Variants in AS3MT observed in about 807,000 individuals in gnomAD.
AS3MT encodes S-adenosyl-L-methionine:arsenic(III) methyltransferase.
A neutral mutation model predicts 45.3 loss-of-function variants in AS3MT; 47 were observed. That is an observed-to-expected ratio of 1.04 (90% CI 0.82 to 1.32). AS3MT has a LOEUF of 1.32. AS3MT is among the 40% of genes most tolerant of loss of function. AS3MT has a pLI of 0.00. For missense variants in AS3MT, 396 were observed against 451.1 expected (o/e 0.88, Z 1.11); for synonymous variants, 141 against 152.8 (o/e 0.92, Z 0.57).
At chr10:102,873,947 G>C (rs911727194) in intron 5 of AS3MT, among the ~76,000 whole-genome samples, 4 of 152,084 alleles carry the variant, frequency 2.6e-5, no homozygotes, top group African/African-American at 9.7e-5. Context: ...GCCTGTTTAC[G>C]TGAAGCATAA....
At position 102,885,764 on chromosome 10, in the gene AS3MT, C is replaced by T. The variant is rs1177612330; in HGVS notation, c.886-4780C>T. Among the ~76,000 whole-genome samples the T allele has an allele frequency of 2.2e-4, 22 of 101,692 alleles. 1 individual carries two copies. Among genetic ancestry groups the T allele is most frequent in the African/African-American group, 5.6e-4 (16 of 28,386 alleles). The allele number at this position is 101,692 out of a possible 152,430, so 66.7% of individuals were successfully genotyped here. On this transcript the variant is annotated intron_variant, in intron 9 of 10. Coordinates refer to ENST00000369880, the MANE Select transcript of AS3MT (RefSeq NM_020682.4). ...CGGGATGGTCTCGATCTCCTGACCT[C>T]GTGATCCGCCCGCCTCGGCCTCCCA...
chr10:102,897,308 C>T (rs886977374), intron 10 of AS3MT, among the ~76,000 whole-genome samples: 1 of 150,442 alleles, frequency 6.6e-6, no homozygotes, highest in Non-Finnish European at 1.5e-5. Context: ...GGCGTGAACC[C>T]GGGAGGCGGA....
chr10:102,883,864 G>C lies in AS3MT; in HGVS notation c.885+4873G>C, dbSNP rs529939661. Among the ~76,000 whole-genome samples, 4 of 151,972 alleles carry C rather than the reference G, an allele frequency of 2.6e-5. No individual in the cohort carries two copies. The South Asian group carries it at 8.3e-4, about 32-fold the overall frequency. On this transcript the variant is annotated intron_variant, in intron 9 of 10. Transcript: ENST00000369880. ...TTGACATATGTATACATTATGGAAT[G>C]ACTAAATCAAGATAATTAAAATGCA...
At chr10:102,877,491 T>G (rs968889110) in intron 7 of AS3MT, among the ~76,000 whole-genome samples, 10 of 145,068 alleles carry the variant, frequency 6.9e-5, no homozygotes, top group African/African-American at 2.6e-4. Context: ...TTCTTATTCT[T>G]AAAATAATAT....
intron 9 of AS3MT, among the ~76,000 whole-genome samples, chr10:102,884,441 A>C: frequency 8.3e-6 from 1 of 119,890 alleles, no homozygotes; most frequent in African/African-American, 3.4e-5. Context: ...AAGAGCCTCT[A>C]CTCTTCACCT....
At chr10:102,894,451 A>C (rs1331582708) in intron 10 of AS3MT, among the ~76,000 whole-genome samples, 9 of 151,826 alleles carry the variant, frequency 5.9e-5, no homozygotes, top group Admixed American at 5.9e-4. Flanking sequence ...AAAAAATAAA[A>C]AAATAAAATA....
intron 10 of AS3MT, among the ~76,000 whole-genome samples, chr10:102,898,976 T>C (rs1274795784): frequency 6.6e-6 from 1 of 152,192 alleles, no homozygotes; most frequent in Non-Finnish European, 1.5e-5. Flanking sequence ...AAGGACTGCT[T>C]ATATCTGGGT....
chr10:102,878,947 G>A lies in AS3MT; in HGVS notation c.841G>A (p.Gly281Arg), dbSNP rs760424988. 2 of 1,613,556 alleles carry A rather than the reference G, an allele frequency of 1.2e-6. No homozygotes were observed. The highest frequency in any genetic ancestry group is 2.2e-5 in the East Asian group (1 of 44,840). The change falls in exon 9 of 11, where the codon GGA becomes AGA. Residue 281 changes from glycine (G) to arginine (R), a missense_variant. By Grantham distance (125) the Gly-to-Arg change is moderately radical (BLOSUM62 -2). Coordinates refer to ENST00000369880, the MANE Select transcript of AS3MT (RefSeq NM_020682.4). ...AGTTATTTACAATGGAGGAATTACA[G>A]GACATGAAAAAGAACTAATGTTTGA... The part of the protein sequence containing the change: ...CQVIYNGGIT[G>R]HEKELMFDAN...
At chr10:102,894,339 C>T (rs1488848165) in intron 10 of AS3MT, among the ~76,000 whole-genome samples, 1 of 151,902 alleles carries the variant, frequency 6.6e-6, no homozygotes, top group Non-Finnish European at 1.5e-5. Context: ...AGGAGAATTC[C>T]TTGAACCTGG....
intron 10 of AS3MT, among the ~76,000 whole-genome samples, chr10:102,898,782 T>C (rs112184635): frequency 5.3e-5 from 8 of 152,186 alleles, no homozygotes; most frequent in African/African-American, 1.4e-4. Context: ...ACCCCTATTA[T>C]CTTCATTTGA....
intron 6 of AS3MT, among the ~76,000 whole-genome samples, chr10:102,875,251 C>G (rs1026435105): frequency 6.6e-6 from 1 of 152,018 alleles, no homozygotes; most frequent in African/African-American, 2.4e-5. Flanking sequence ...CCGAGGCGGG[C>G]AGATCACCTG....
chr10:102,898,114 CT>C (rs879845465), intron 10 of AS3MT, among the ~76,000 whole-genome samples: 200 of 143,214 alleles, frequency 1.4e-3, no homozygotes, highest in African/African-American at 2.4e-3. Flanking sequence ...ACATTCTTAT[CT>C]TTTTTTTTTT....
chr10:102,883,233 TTGGACTACAGGTG>T (rs1173063933), intron 9 of AS3MT, among the ~76,000 whole-genome samples: 1 of 151,336 alleles, frequency 6.6e-6, no homozygotes, highest in Non-Finnish European at 1.5e-5. Context: ...CCCCAGTAGC[TTGGACTACAGGTG>T]GGTGCCAACG....
At chr10:102,893,346 T>C (rs1454015990) in intron 10 of AS3MT, among the ~76,000 whole-genome samples, 3 of 151,828 alleles carry the variant, frequency 2.0e-5, no homozygotes, top group Non-Finnish European at 4.4e-5. Context: ...GGGGACGGAG[T>C]CTTCCTCTGT....
chr10:102,893,673 AT>A (rs1380509572), intron 10 of AS3MT, among the ~76,000 whole-genome samples: 4 of 150,850 alleles, frequency 2.7e-5, no homozygotes, highest in African/African-American at 9.8e-5. Context: ...TTTTTATTTT[AT>A]TTTTTTAGTA....
chr10:102,869,752 A>G, intron 1 of AS3MT, 53 bp from the exon 2 acceptor site: 1 of 1,612,372 alleles, frequency 6.2e-7, no homozygotes, highest in Non-Finnish European at 8.5e-7. Flanking sequence ...CCCCTCCCTC[A>G]TGCCCGTCCC....
At chr10:102,872,038 G>A (rs1354332139) in intron 3 of AS3MT, among the ~76,000 whole-genome samples, 1 of 151,800 alleles carries the variant, frequency 6.6e-6, no homozygotes, top group Non-Finnish European at 1.5e-5. Context: ...ACCTGCTACC[G>A]TGCCCAGCTG....
chr10:102,900,721 C>A lies in AS3MT; in HGVS notation c.*21C>A. The A allele has an allele frequency of 6.4e-7, 1 of 1,570,880 alleles. No homozygotes were observed. The highest frequency in any genetic ancestry group is 8.8e-7 in the Non-Finnish European group (1 of 1,140,712). ...GCTAAATCTATAGCCAACCAGGGGA[C>A]CACAGTAGTGGGCAAGAGTGATCTG... On this transcript the variant is annotated 3_prime_UTR_variant, in exon 11 of 11. Coordinates refer to ENST00000369880, the MANE Select transcript of AS3MT (RefSeq NM_020682.4).
At chr10:102,879,601 A>G (rs570028165) in intron 9 of AS3MT, among the ~76,000 whole-genome samples, 1 of 152,000 alleles carries the variant, frequency 6.6e-6, no homozygotes, top group East Asian at 1.9e-4. Flanking sequence ...ACCCATCTCT[A>G]CTAATAAAAA....
Sources: gnomAD v4.1 joint callset for allele counts (sites outside exome capture counted in the v4.1 genomes callset) on GRCh38, gnomAD v4.1.1 for gene constraint, MANE v1.5 for transcripts, NCBI Gene and HGNC (gene_info 2026-07-23, HGNC 2026-07-21) for gene names.